SPHKAP: variants seen among roughly 807,000 people sequenced by gnomAD.
SPHKAP encodes the protein SPHK1 interactor, AKAP domain containing.
A neutral mutation model predicts 137.5 loss-of-function variants in SPHKAP; 67 were observed. The ratio of observed to expected loss-of-function variants is 0.49; its 90% CI spans 0.40 to 0.60. SPHKAP has a LOEUF of 0.60. Ranked by LOEUF, SPHKAP falls within the 20% of genes least tolerant of loss-of-function variation. The probability of loss-of-function intolerance (pLI) is 0.00; values close to 1 mark genes in which losing one functional copy is unlikely to be tolerated. For missense variants in SPHKAP, 2,097 were observed against 2,069.3 expected (o/e 1.01, Z -0.26); for synonymous variants, 813 against 785.3 (o/e 1.04, Z -0.59).
At chr2:228,122,822 C>T (rs1199460723) in intron 2 of SPHKAP, among the ~76,000 whole-genome samples, 1 of 152,156 alleles carries the variant, frequency 6.6e-6, no homozygotes, top group African/African-American at 2.4e-5. Flanking sequence ...AATGAAATCG[C>T]CTCCAGAGGG....
rs548635132 is a variant in SPHKAP at position 227,991,242 on chromosome 2, TTG to T, written c.4774+30_4774+31del. ...CTTTCCAAAGGGACAGCCCAGGCAA[TTG>T]TGTGTCAAAAGTATGGGAAGGTGGC... On this transcript the variant is annotated intron_variant, in intron 10 of 11. Coordinates refer to ENST00000392056, the MANE Select transcript of SPHKAP (RefSeq NM_001142644.2). The T allele has an allele frequency of 1.9e-6, 3 of 1,614,010 alleles. No individual in the cohort carries two copies. In the South Asian group the frequency reaches 3.3e-5, roughly 18 times the overall value.
intron 7 of SPHKAP, among the ~76,000 whole-genome samples, chr2:228,011,415 G>A (rs539327910): frequency 2.0e-5 from 3 of 152,296 alleles, no homozygotes; most frequent in Admixed American, 6.5e-5. Context: ...AGGCTACAGA[G>A]ACTGGTAGAT....
At chr2:228,085,692 A>G (rs1697513689) in intron 3 of SPHKAP, among the ~76,000 whole-genome samples, 1 of 152,230 alleles carries the variant, frequency 6.6e-6, no homozygotes, top group Admixed American at 6.5e-5. Flanking sequence ...ACTGTTGAAA[A>G]AGGCTTTTAA....
At chr2:227,991,490 T>C (rs1693413992) in intron 9 of SPHKAP, 164 bp from the exon 10 acceptor site, 1 of 985,308 alleles carries the variant, frequency 1.0e-6, no homozygotes, top group African/African-American at 1.7e-5. Context: ...AATGTGGCTA[T>C]TATGTAAGAT....
chr2:228,052,468 A>G (rs2106274657), intron 3 of SPHKAP, among the ~76,000 whole-genome samples: 1 of 152,308 alleles, frequency 6.6e-6, no homozygotes, highest in East Asian at 1.9e-4. Context: ...ACAAACAAAC[A>G]AAAAGAATCA....
intron 3 of SPHKAP, among the ~76,000 whole-genome samples, chr2:228,039,378 A>AGGTGAGG (rs1695753399): frequency 6.6e-6 from 1 of 152,200 alleles, no homozygotes; most frequent in African/African-American, 2.4e-5. Flanking sequence ...TTTGACTTTA[A>AGGTGAGG]TAAAATATTC....
rs182985957 is a variant in SPHKAP, at chr2:228,079,727, C to A, written c.246+29105G>T. Among the ~76,000 whole-genome samples the A allele has an allele frequency of 4.6e-3, 694 of 152,332 alleles. 5 individuals carry two copies. The highest frequency in any genetic ancestry group is 7.2e-3 in the Non-Finnish European group (489 of 68,032). On this transcript the variant is annotated intron_variant, in intron 3 of 11. Transcript: ENST00000392056. ...AGCAAGTCCCCTTGAATATAGGCTGCAGGCCCATCTTCGTATACCCAGGCT... is the reference window on the plus strand; with the variant it reads ...AGCAAGTCCCCTTGAATATAGGCTGAAGGCCCATCTTCGTATACCCAGGCT...
chr2:228,162,043 G>T (rs1427251204), intron 1 of SPHKAP, among the ~76,000 whole-genome samples: 1 of 152,294 alleles, frequency 6.6e-6, no homozygotes, highest in South Asian at 2.1e-4. Flanking sequence ...AAAATAGAAG[G>T]CATTTACCAA....
chr2:228,144,099 C>T (rs4366901), intron 1 of SPHKAP, among the ~76,000 whole-genome samples: 13,859 of 152,188 alleles, frequency 0.091, 800 homozygotes, highest in Middle Eastern at 0.14. Flanking sequence ...TTATTTCTTT[C>T]AGGACTTTCT....
intron 1 of SPHKAP, among the ~76,000 whole-genome samples, chr2:228,146,629 C>T (rs1042999113): frequency 6.6e-6 from 1 of 152,172 alleles, no homozygotes; most frequent in African/African-American, 2.4e-5. Context: ...GTGTTCTCAT[C>T]ACTGATAAGT....
At position 228,005,272 on chromosome 2, in the gene SPHKAP, CTCT is replaced by C. The variant is rs1256625483; in HGVS notation, c.4449-9581_4449-9579del. On this transcript the variant is annotated intron_variant, in intron 7 of 11. Transcript: ENST00000392056. ...TTGCATATATATTTAGGATAGTTAG[CTCT>C]TCTTGTTGAATTGATCCCTTTACCA... Among the ~76,000 whole-genome samples the C allele has an allele frequency of 3.3e-5, 5 of 152,312 alleles. No individual in the cohort carries two copies. In the East Asian group the frequency reaches 7.7e-4, roughly 24 times the overall value.
At chr2:227,992,551 A>T (rs1245151826) in intron 9 of SPHKAP, among the ~76,000 whole-genome samples, 1 of 152,222 alleles carries the variant, frequency 6.6e-6, no homozygotes, top group Non-Finnish European at 1.5e-5. Context: ...GAAAGAGAAA[A>T]ATAAATTTAC....
intron 7 of SPHKAP, among the ~76,000 whole-genome samples, chr2:228,006,369 G>T (rs1047481877): frequency 3.3e-5 from 5 of 152,022 alleles, no homozygotes; most frequent in South Asian, 2.1e-4. Flanking sequence ...TGTAATTCTC[G>T]TGCCACGGTT....
At chr2:228,118,124 A>C (rs1281423881) in intron 2 of SPHKAP, among the ~76,000 whole-genome samples, 1 of 151,660 alleles carries the variant, frequency 6.6e-6, no homozygotes, top group Non-Finnish European at 1.5e-5. Flanking sequence ...GCCTTTTATG[A>C]CCTGTTTCTT....
At chr2:228,127,102 G>A (rs1406021016) in intron 2 of SPHKAP, among the ~76,000 whole-genome samples, 1 of 152,200 alleles carries the variant, frequency 6.6e-6, no homozygotes, top group Non-Finnish European at 1.5e-5. Context: ...AATTATCCGT[G>A]TTACTCTCAG....
rs1694666394 is a variant in SPHKAP at position 228,017,772 on chromosome 2, G to T, written c.3082C>A (p.Leu1028Ile). 3.7e-6 allele frequency: 6 copies of T among 1,614,110 alleles called. No individual in the cohort carries two copies. The highest frequency in any genetic ancestry group is 1.3e-5 in the African/African-American group (1 of 75,030). Residue 1028 changes from leucine (L) to isoleucine (I), a missense_variant, in exon 7 of 12, where the codon CTT (leucine) becomes ATT (isoleucine). Transcript: ENST00000392056. ...TTGACAGAATCTGGGACATCTTCAA[G>T]GTTCATGGACTCATCCACAACCCTG... is the stretch of plus-strand genomic sequence containing the variant. ...MNRVVDESMN[L>I]EDVPDSVNLF...
chr2:228,092,295 G>GTATGTGCGTGTATACGTA (rs1697792744), intron 3 of SPHKAP, among the ~76,000 whole-genome samples: 1 of 139,482 alleles, frequency 7.2e-6, no homozygotes, highest in Non-Finnish European at 1.5e-5. Flanking sequence ...GTGTATACGT[G>GTATGTGCGTGTATACGTA]CACACACACG....
At chr2:228,102,369 A>T (rs1698206565) in intron 3 of SPHKAP, among the ~76,000 whole-genome samples, 1 of 152,096 alleles carries the variant, frequency 6.6e-6, no homozygotes. Flanking sequence ...AGAGACAATC[A>T]CCTATATTTC....
chr2:228,014,110 T>C (rs1341088728), intron 7 of SPHKAP, among the ~76,000 whole-genome samples: 1 of 152,208 alleles, frequency 6.6e-6, no homozygotes, highest in Non-Finnish European at 1.5e-5. Flanking sequence ...AATTGTATTA[T>C]GAATTTTATT....
Sources: allele counts gnomAD v4.1 joint callset (sites outside exome capture counted in the v4.1 genomes callset), GRCh38; gene constraint gnomAD v4.1.1; transcripts MANE v1.5; gene names NCBI Gene and HGNC (gene_info 2026-07-23, HGNC 2026-07-21).